Variants in FAT3 observed in about 807,000 individuals in gnomAD.
FAT3 encodes FAT atypical cadherin 3.
Under a neutral mutation model 310.2 loss-of-function variants are expected in FAT3, and 95 were observed. That is an observed-to-expected ratio of 0.31 (90% confidence interval 0.26 to 0.36). FAT3 has a LOEUF of 0.36. Ranked by LOEUF, FAT3 falls within the 10% of genes least tolerant of loss-of-function variation. FAT3 has a pLI of 1.00. For synonymous variants in FAT3, 2,314 were observed against 2,192.9 expected, an observed-to-expected ratio of 1.06 and a Z score of -1.54; for missense variants, 5,408 against 5,715.6, an observed-to-expected ratio of 0.95 and a Z score of 1.74.
In FAT3 at chr11:92,412,750, T is replaced by C. The variant is rs11019947; in HGVS notation, c.3292+57346T>C. ...ATATATATATATATATATATAAATA[T>C]ACATACATATATATATATTTAATGT... On this transcript the variant is annotated intron_variant, in intron 2 of 27. Coordinates refer to ENST00000525166, the MANE Select transcript of FAT3 (RefSeq NM_001367949.2). Among the ~76,000 whole-genome samples, 184 of 66,670 alleles carry C rather than the reference T, an allele frequency of 2.8e-3. 6 individuals carry two copies. Among genetic ancestry groups the C allele is most frequent in the African/African-American group, 9.0e-3 (115 of 12,834 alleles). The allele number at this position is 66,670 out of a possible 152,430, so 43.7% of individuals were successfully genotyped here.
rs58995060 is a variant in FAT3 at position 92,855,980 on chromosome 11, C to CTTT, written c.11366-1218_11366-1216dup. 4.9e-4 allele frequency among the ~76,000 whole-genome samples: 63 copies of CTTT among 129,172 alleles called. 2 individuals carry two copies. The highest frequency in any genetic ancestry group is 6.6e-4 in the African/African-American group (23 of 34,692). The allele number at this position is 129,172 out of a possible 152,430, so 84.7% of individuals were successfully genotyped here. On this transcript the variant is annotated intron_variant, in intron 19 of 27. Transcript: ENST00000525166. ...AATGACTGTACCTTGGGACAATATGCTTTTTTTTTTTTTTTTTTGAGACAG... is the reference window on the plus strand; with the variant it reads ...AATGACTGTACCTTGGGACAATATGCTTTTTTTTTTTTTTTTTTTTTGAGACAG...
intron 2 of FAT3, among the ~76,000 whole-genome samples, chr11:92,426,733 A>G (rs186621030): frequency 7.4e-4 from 112 of 152,218 alleles, no homozygotes; most frequent in Non-Finnish European, 1.5e-3. Flanking sequence ...CCGTTGGTCT[A>G]TATATCTGTT....
intron 1 of FAT3, among the ~76,000 whole-genome samples, chr11:92,318,382 G>C (rs906533792): frequency 7.9e-5 from 12 of 152,162 alleles, no homozygotes; most frequent in Admixed American, 3.9e-4. Flanking sequence ...AGCTCATACA[G>C]TTCTGGGGGT....
At position 92,799,503 on chromosome 11, in the gene FAT3, G is replaced by A. The variant is rs748203073; in HGVS notation, c.6490G>A (p.Gly2164Arg). ...AGTCACCATCCTAGCCAAGGATGGC[G>A]GAAAACCTTCTTTGTCTACATCTGT... ...YGVTILAKDG[G>R]KPSLSTSVEL... The change falls in exon 10 of 28, where the codon GGA becomes AGA. Residue 2164 changes from glycine to arginine, a missense_variant. Gly to Arg is a moderately radical substitution (Grantham distance 125). Around this residue, in one of 5 missense-constraint regions of FAT3, gnomAD observed 4,588 missense variants for 4,809.8 expected, o/e 0.95. Coordinates refer to ENST00000525166, the MANE Select transcript of FAT3 (RefSeq NM_001367949.2). The A allele has an allele frequency of 1.3e-5, 21 of 1,613,496 alleles. No homozygotes were observed. Among genetic ancestry groups the A allele is most frequent in the East Asian group, 2.2e-5 (1 of 44,832 alleles).
At chr11:92,643,415 G>A (rs1486937365) in intron 3 of FAT3, among the ~76,000 whole-genome samples, 1 of 152,154 alleles carries the variant, frequency 6.6e-6, no homozygotes, top group African/African-American at 2.4e-5. Context: ...CAGAAAGTTT[G>A]TAGGTTTTTC....
intron 3 of FAT3, among the ~76,000 whole-genome samples, chr11:92,670,136 T>A (rs149950365): frequency 8.8e-4 from 134 of 152,324 alleles, no homozygotes; most frequent in African/African-American, 3.0e-3. Flanking sequence ...ATTTTTTCTT[T>A]TTGCTGCTGC....
At chr11:92,229,353 G>GTAAATA (rs565846433) in intron 1 of FAT3, among the ~76,000 whole-genome samples, 2 of 151,120 alleles carry the variant, frequency 1.3e-5, no homozygotes, top group African/African-American at 4.9e-5. Flanking sequence ...AAGACTCAGA[G>GTAAATA]AGTAAATATC....
intron 2 of FAT3, among the ~76,000 whole-genome samples, chr11:92,457,879 G>A (rs1345616618): frequency 6.6e-6 from 1 of 152,108 alleles, no homozygotes; most frequent in African/African-American, 2.4e-5. Context: ...CCAAAATCAT[G>A]CCACTGCACT....
intron 4 of FAT3, among the ~76,000 whole-genome samples, chr11:92,727,785 A>C (rs1337024658): frequency 6.6e-6 from 1 of 152,084 alleles, no homozygotes; most frequent in Non-Finnish European, 1.5e-5. Flanking sequence ...TCCACTTTCC[A>C]TGTGCTTCTC....
At chr11:92,621,149 A>C (rs1941066376) in intron 3 of FAT3, among the ~76,000 whole-genome samples, 1 of 152,068 alleles carries the variant, frequency 6.6e-6, no homozygotes, top group South Asian at 2.1e-4. Context: ...TGATCTTGAA[A>C]ACTCCCTCCT....
intron 18 of FAT3, among the ~76,000 whole-genome samples, chr11:92,841,298 C>A (rs1210512495): frequency 1.3e-5 from 2 of 152,082 alleles, no homozygotes; most frequent in South Asian, 2.1e-4. Context: ...AATGAGAGGG[C>A]CTCCGAAAGT....
At chr11:92,574,196 G>A (rs1034038415) in intron 3 of FAT3, among the ~76,000 whole-genome samples, 3 of 152,132 alleles carry the variant, frequency 2.0e-5, no homozygotes, top group African/African-American at 7.2e-5. Context: ...TATGGTCTTT[G>A]GTGGACAAAG....
intron 3 of FAT3, among the ~76,000 whole-genome samples, chr11:92,578,357 T>C: frequency 6.6e-6 from 1 of 152,104 alleles, no homozygotes; most frequent in East Asian, 1.9e-4. Context: ...CAGTGACAGC[T>C]TCTATACCCA....
At chr11:92,432,067 G>C (rs1211346329) in intron 2 of FAT3, among the ~76,000 whole-genome samples, 7 of 152,228 alleles carry the variant, frequency 4.6e-5, no homozygotes, top group Non-Finnish European at 5.9e-5. Flanking sequence ...GGATGGCATT[G>C]AATCTATAAA....
intron 1 of FAT3, among the ~76,000 whole-genome samples, chr11:92,265,362 C>A (rs530774233): frequency 2.0e-5 from 3 of 151,974 alleles, no homozygotes; most frequent in Non-Finnish European, 4.4e-5. Context: ...GTATTGACTG[C>A]GTTCCAAGCA....
chr11:92,654,237 T>C (rs1440121628), intron 3 of FAT3, among the ~76,000 whole-genome samples: 2 of 152,174 alleles, frequency 1.3e-5, no homozygotes, highest in Admixed American at 1.3e-4. Flanking sequence ...TTTTCAGTTC[T>C]GTAAGTTCCA....
rs1038721647 is a variant in FAT3 at position 92,625,880 on chromosome 11, G to A, written c.3608-71504G>A. Among the ~76,000 whole-genome samples the A allele has an allele frequency of 5.3e-5, 8 of 152,192 alleles. No individual in the cohort carries two copies. The East Asian group carries it at 1.3e-3, about 26-fold the overall frequency. Reference sequence around the variant, plus strand: ...AGGCAAAGATGAATTGTGACCCAGAGAGGAGAATCACATTGGACAGGGTGA... The same window carrying A: ...AGGCAAAGATGAATTGTGACCCAGAAAGGAGAATCACATTGGACAGGGTGA... On this transcript the variant is annotated intron_variant, in intron 3 of 27. Transcript: ENST00000525166.
chr11:92,256,395 T>C (rs984215558), intron 1 of FAT3, among the ~76,000 whole-genome samples: 3 of 150,262 alleles, frequency 2.0e-5, no homozygotes, highest in African/African-American at 7.4e-5. Flanking sequence ...CACAATTGTT[T>C]ATATATATAT....
chr11:92,331,463 A>G (rs1947922279), intron 1 of FAT3, among the ~76,000 whole-genome samples: 1 of 152,028 alleles, frequency 6.6e-6, no homozygotes, highest in African/African-American at 2.4e-5. Context: ...ATGACACTAA[A>G]CATAGCCCCT....
Sources: allele counts gnomAD v4.1 joint callset (sites outside exome capture counted in the v4.1 genomes callset), GRCh38; gene constraint gnomAD v4.1.1; regional missense constraint gnomAD v4.1.1; transcripts MANE v1.5; gene names NCBI Gene and HGNC (gene_info 2026-07-23, HGNC 2026-07-21).